Variants in KIAA1958 observed in about 807,000 individuals in gnomAD.
KIAA1958 encodes KIAA1958, also known as uncharacterized protein KIAA1958.
KIAA1958 carries 14 observed loss-of-function variants against 47.2 expected under a neutral mutation model. The observed-to-expected ratio is 0.30, with a 90% CI of 0.20 to 0.46. The LOEUF (loss-of-function observed/expected upper bound fraction) is 0.46, where lower values mean the gene tolerates loss of function less well. Among genes scored for constraint, KIAA1958 ranks in the 20% least tolerant of loss-of-function variants. KIAA1958 has a pLI of 1.00. For missense variants in KIAA1958, 803 were observed against 909.2 expected (o/e 0.88, Z 1.50); for synonymous variants, 354 against 353.3 (o/e 1.00, Z -0.02).
In KIAA1958 at chr9:112,658,692, G is replaced by A. The variant is rs147449635; in HGVS notation, c.1345-571G>A. ...ACTGAGGTTTAGACCAGGCGTGGTG[G>A]CTGACGCCTGTAATCCCAGCACTTT... On this transcript the variant is annotated intron_variant, in intron 3 of 3. Coordinates refer to ENST00000337530, the MANE Select transcript of KIAA1958 (RefSeq NM_133465.4). Among the ~76,000 whole-genome samples the A allele has an allele frequency of 3.9e-3, 591 of 152,212 alleles. 6 individuals carry two copies. The highest frequency in any genetic ancestry group is 0.013 in the African/African-American group (552 of 41,528).
chr9:112,525,205 G>A (rs996628447), intron 1 of KIAA1958, among the ~76,000 whole-genome samples: 1 of 152,166 alleles, frequency 6.6e-6, no homozygotes, highest in African/African-American at 2.4e-5. Flanking sequence ...CTCTTTAATT[G>A]TTGTGTCAGA....
At chr9:112,586,999 A>G (rs2131186283) in intron 2 of KIAA1958, among the ~76,000 whole-genome samples, 1 of 152,278 alleles carries the variant, frequency 6.6e-6, no homozygotes. Flanking sequence ...GAGCTGCCTG[A>G]CCATCTTGGG....
At chr9:112,564,814 T>C (rs1484506215) in intron 1 of KIAA1958, among the ~76,000 whole-genome samples, 3 of 152,212 alleles carry the variant, frequency 2.0e-5, no homozygotes, top group Non-Finnish European at 4.4e-5. Context: ...ATCTTCCTAC[T>C]ATTGTAATAC....
chr9:112,634,008 CAT>C (rs140976037), intron 2 of KIAA1958, among the ~76,000 whole-genome samples: 2,927 of 152,192 alleles, frequency 0.019, 102 homozygotes, highest in African/African-American at 0.067. Context: ...ATTACTGAGT[CAT>C]AGAATTGGTG....
intron 1 of KIAA1958, among the ~76,000 whole-genome samples, chr9:112,565,606 T>G (rs1835414726): frequency 6.6e-6 from 1 of 152,248 alleles, no homozygotes; most frequent in South Asian, 2.1e-4. Context: ...ATTCTCAGAA[T>G]TTAAAAAATA....
Position 112,574,805 on chromosome 9 carries a change from C to A in KIAA1958, c.725C>A (p.Ala242Asp). The change falls in exon 2 of 4, where the codon GCT becomes GAT. Residue 242 changes from alanine (A) to aspartate (D), a missense_variant. This residue lies in a region of KIAA1958 where 761 missense variants were observed against 829.3 expected (regional missense o/e 0.92). Coordinates refer to ENST00000337530, the MANE Select transcript of KIAA1958 (RefSeq NM_133465.4). ...QMAKPKPQTHAGPSCVGSAKL... is the reference protein window; with the variant it reads ...QMAKPKPQTHDGPSCVGSAKL... ...GCAAAACCCAAGCCTCAGACTCACG[C>A]TGGTCCCTCCTGTGTAGGGTCTGCT... The A allele has an allele frequency of 6.2e-7, 1 of 1,614,164 alleles. No individual in the cohort carries two copies. Among genetic ancestry groups the A allele is most frequent in the Non-Finnish European group, 8.5e-7 (1 of 1,180,006 alleles).
intron 2 of KIAA1958, among the ~76,000 whole-genome samples, chr9:112,632,882 A>G (rs888412813): frequency 6.7e-6 from 1 of 149,798 alleles, no homozygotes; most frequent in Non-Finnish European, 1.5e-5. Context: ...CAAATCATGA[A>G]AATCTGTCTT....
chr9:112,491,000 C>G (rs1417358828), intron 1 of KIAA1958, among the ~76,000 whole-genome samples: 3 of 152,216 alleles, frequency 2.0e-5, no homozygotes, highest in African/African-American at 7.2e-5. Flanking sequence ...CACAGTCGCA[C>G]TCTGTCACCC....
intron 1 of KIAA1958, among the ~76,000 whole-genome samples, chr9:112,563,055 C>G (rs1835362730): frequency 1.1e-5 from 1 of 88,958 alleles, no homozygotes; most frequent in Non-Finnish European, 2.2e-5. Flanking sequence ...CTCTCTCTCT[C>G]TCTGTCTCTG....
intron 1 of KIAA1958, among the ~76,000 whole-genome samples, chr9:112,532,672 C>G (rs1334618728): frequency 4.6e-5 from 7 of 152,192 alleles, no homozygotes; most frequent in Admixed American, 4.6e-4. Context: ...GCATTCAAGT[C>G]GTCTCATTTC....
chr9:112,544,599 G>A (rs1834998221), intron 1 of KIAA1958, among the ~76,000 whole-genome samples: 1 of 152,320 alleles, frequency 6.6e-6, no homozygotes, highest in South Asian at 2.1e-4. Flanking sequence ...TGCTGAATCT[G>A]TTAAGCACAT....
chr9:112,609,487 G>A (rs1414432882), intron 2 of KIAA1958, among the ~76,000 whole-genome samples: 2 of 152,122 alleles, frequency 1.3e-5, no homozygotes, highest in Admixed American at 1.3e-4. Flanking sequence ...AGGATGTAAG[G>A]AAAATTGAAA....
chr9:112,570,084 A>G (rs538248411), intron 1 of KIAA1958, among the ~76,000 whole-genome samples: 22 of 152,258 alleles, frequency 1.4e-4, no homozygotes, highest in Non-Finnish European at 2.6e-4. Flanking sequence ...AACGTGAAGC[A>G]TGTGCTAGTT....
intron 2 of KIAA1958, among the ~76,000 whole-genome samples, chr9:112,584,717 C>G (rs970765820): frequency 1.3e-5 from 2 of 152,190 alleles, no homozygotes; most frequent in African/African-American, 4.8e-5. Context: ...TCAACATTGC[C>G]TGAGTTCCAC....
At chr9:112,634,453 ACTC>A (rs1432045699) in intron 2 of KIAA1958, among the ~76,000 whole-genome samples, 8 of 151,226 alleles carry the variant, frequency 5.3e-5, no homozygotes, top group African/African-American at 1.9e-4. Context: ...CTGGTCTTGA[ACTC>A]CTGACCTCAA....
chr9:112,516,578 AG>A (rs1957738548), intron 1 of KIAA1958, among the ~76,000 whole-genome samples: 1 of 152,330 alleles, frequency 6.6e-6, no homozygotes, highest in South Asian at 2.1e-4. Flanking sequence ...ATTTCAGCAA[AG>A]TTTTTAGTAG....
chr9:112,656,555 C>T (rs1431639968), intron 3 of KIAA1958, among the ~76,000 whole-genome samples: 1 of 151,878 alleles, frequency 6.6e-6, no homozygotes, highest in Non-Finnish European at 1.5e-5. Context: ...ATGAAAATTG[C>T]TTGTATTTTA....
In KIAA1958 at chr9:112,668,347, A is replaced by C. The variant is rs1837377953; in HGVS notation, c.*8278A>C. On this transcript the variant is annotated 3_prime_UTR_variant, in exon 4 of 4. Coordinates refer to ENST00000337530, the MANE Select transcript of KIAA1958 (RefSeq NM_133465.4). The stretch of plus-strand genomic sequence containing the variant: ...CTTGTTTTAGAATACAAATGCAAGA[A>C]AAGTTCAATTTCAACAGCAGAAAGA... The C allele has an allele frequency of 6.6e-6, 1 of 152,264 alleles. No individual in the cohort carries two copies. Among genetic ancestry groups the C allele is most frequent in the African/African-American group, 2.4e-5 (1 of 41,478 alleles). The allele number at this position is 152,264 out of a possible 1,614,324, so 9.4% of individuals were successfully genotyped here. A position where few individuals can be genotyped will look rare whatever the true frequency, so the allele number is the denominator to read the frequency against.
At chr9:112,622,186 A>G (rs1000159975) in intron 2 of KIAA1958, among the ~76,000 whole-genome samples, 18 of 152,242 alleles carry the variant, frequency 1.2e-4, no homozygotes, top group African/African-American at 4.3e-4. Context: ...TCAAAATTGC[A>G]TATATACTTT....
Sources: gnomAD v4.1 joint callset for allele counts (sites outside exome capture counted in the v4.1 genomes callset) on GRCh38, gnomAD v4.1.1 for gene constraint, gnomAD v4.1.1 regional missense constraint, MANE v1.5 for transcripts, NCBI Gene and HGNC (gene_info 2026-07-23, HGNC 2026-07-21) for gene names.